The following CDK5RAP2 variants were observed in gnomAD, a reference collection of about 807,000 sequenced individuals.
The protein encoded by CDK5RAP2 is CDK5 regulatory subunit associated protein 2, also known as CDK5 regulatory subunit-associated protein 2.
Under a neutral mutation model 232.9 loss-of-function variants are expected in CDK5RAP2, and 147 were observed. The ratio of observed to expected loss-of-function variants is 0.63; its 90% CI spans 0.55 to 0.72. The LOEUF is 0.72. Ranked by LOEUF, CDK5RAP2 falls within the 30% of genes least tolerant of loss-of-function variation. CDK5RAP2 has a pLI of 0.00. For synonymous variants in CDK5RAP2, 833 were observed against 833.7 expected, an observed-to-expected ratio of 1.00 and a Z score of 0.01; for missense variants, 2,195 against 2,231.5, an observed-to-expected ratio of 0.98 and a Z score of 0.33.
chr9:120,528,672 G>T, intron 9 of CDK5RAP2, 72 bp downstream of exon 9: 1 of 912,220 alleles, frequency 1.1e-6, no homozygotes, highest in Non-Finnish European at 1.8e-6. Context: ...ATTATCTGCT[G>T]CACTCAGAAT....
At position 120,448,086 on chromosome 9, in the gene CDK5RAP2, G is replaced by A. The variant is rs148457080; in HGVS notation, c.2834C>T (p.Ser945Phe). Residue 945 changes from serine (S) to phenylalanine (F), a missense_variant, in exon 22 of 38, where the codon TCC becomes TTC. Physicochemically the swap from Ser to Phe is radical, Grantham distance 155. Coordinates refer to ENST00000349780, the MANE Select transcript of CDK5RAP2 (RefSeq NM_018249.6). Reference protein sequence around the residue: ...KSRLPILIKPSRSLGNMYRLP... With the variant: ...KSRLPILIKPFRSLGNMYRLP... ...ACGATACATATTTCCTAATGACCGGGATGGTTTTATTAGGATTGGCAAGCG... is the reference window on the plus strand; with the variant it reads ...ACGATACATATTTCCTAATGACCGGAATGGTTTTATTAGGATTGGCAAGCG... 5.6e-6 allele frequency: 9 copies of A among 1,614,014 alleles called. No homozygotes were observed. The African/African-American group carries it at 1.2e-4, about 22-fold the overall frequency.
At chr9:120,446,045 G>A (rs1229060160) in intron 22 of CDK5RAP2, among the ~76,000 whole-genome samples, 1 of 152,198 alleles carries the variant, frequency 6.6e-6, no homozygotes, top group Non-Finnish European at 1.5e-5. Context: ...TAAAGCAGAG[G>A]TTGGACTACC....
chr9:120,555,755 A>G (rs939021945), intron 3 of CDK5RAP2, among the ~76,000 whole-genome samples: 3 of 152,252 alleles, frequency 2.0e-5, no homozygotes, highest in African/African-American at 7.2e-5. Context: ...ACCTGTACAT[A>G]AATGTTTACT....
intron 32 of CDK5RAP2, chr9:120,406,222 T>C (rs2033426075): frequency 6.6e-6 from 1 of 152,232 alleles, no homozygotes; most frequent in Admixed American, 6.5e-5. Flanking sequence ...CAGGCTGGCA[T>C]TCCTCATCCC....
intron 7 of CDK5RAP2, among the ~76,000 whole-genome samples, chr9:120,534,388 A>G (rs1316107890): frequency 6.6e-6 from 1 of 152,076 alleles, no homozygotes; most frequent in African/African-American, 2.4e-5. Context: ...TAATCCCTCT[A>G]AACTGAATTA....
chr9:120,577,587 T>C (rs557898679), intron 1 of CDK5RAP2, among the ~76,000 whole-genome samples: 15 of 152,348 alleles, frequency 9.8e-5, no homozygotes, highest in Non-Finnish European at 1.8e-4. Context: ...ATGCAGTATC[T>C]ACGTCCTGCA....
intron 25 of CDK5RAP2, among the ~76,000 whole-genome samples, chr9:120,434,687 G>C (rs780358240): frequency 1.3e-5 from 2 of 152,170 alleles, no homozygotes; most frequent in East Asian, 3.9e-4. Context: ...GCCAGGGAGG[G>C]AGAGGAGAAC....
At position 120,404,146 on chromosome 9, in the gene CDK5RAP2, T is replaced by C. The variant is rs919872706; in HGVS notation, c.4964-33A>G. 8.9e-6 allele frequency: 12 copies of C among 1,351,702 alleles called. No homozygotes were observed. In the African/African-American group the frequency reaches 1.6e-4, roughly 18 times the overall value. The allele number at this position is 1,351,702 out of a possible 1,614,324, so 83.7% of individuals were successfully genotyped here. A position where few individuals can be genotyped will look rare whatever the true frequency, so the allele number is the denominator to read the frequency against. On this transcript the variant is annotated intron_variant, in intron 32 of 37. Transcript: ENST00000349780. Reference sequence around the variant, plus strand: ...ATGCAAAACACGAGAACTGTTAGTTTCACTGTTGTCAGCATTCAAGAGAGA... The same window carrying C: ...ATGCAAAACACGAGAACTGTTAGTTCCACTGTTGTCAGCATTCAAGAGAGA...
intron 2 of CDK5RAP2, among the ~76,000 whole-genome samples, chr9:120,571,551 C>T (rs1374472846): frequency 6.6e-6 from 1 of 152,236 alleles, no homozygotes; most frequent in African/African-American, 2.4e-5. Flanking sequence ...AAGGGCAGGC[C>T]CGTGTAGGAA....
chr9:120,460,735 A>G, intron 18 of CDK5RAP2, 68 bp from the exon 19 acceptor site: 1 of 1,604,684 alleles, frequency 6.2e-7, no homozygotes, highest in African/African-American at 1.3e-5. Flanking sequence ...ATGTATGAAT[A>G]AGTCAGTGAT....
In CDK5RAP2 at chr9:120,523,325, G is replaced by A. The variant is rs545427518; in HGVS notation, c.1092+1661C>T. ...AGTAAAATATCACAATGTTTATGCC[G>A]GTCTCTCTGGCTATCAGCAGCCAAC... On this transcript the variant is annotated intron_variant, in intron 11 of 37. Coordinates refer to ENST00000349780, the MANE Select transcript of CDK5RAP2 (RefSeq NM_018249.6). 5.3e-5 allele frequency among the ~76,000 whole-genome samples: 8 copies of A among 152,208 alleles called. No individual in the cohort carries two copies. In the East Asian group the frequency reaches 1.2e-3, roughly 22 times the overall value.
At position 120,453,877 on chromosome 9, in the gene CDK5RAP2, T is replaced by C. The variant is rs1015487450; in HGVS notation, c.2376-4A>G. ...TACCACTTTCAGAAGGTCTGGCCTG[T>C]TTTTCCAAAAGGGAAGGAAGTGGGA... On this transcript the variant is annotated splice_region_variant and splice_polypyrimidine_tract_variant and intron_variant, in intron 20 of 37. Transcript: ENST00000349780. The C allele has an allele frequency of 4.3e-6, 7 of 1,614,022 alleles. No homozygotes were observed. Among genetic ancestry groups the C allele is most frequent in the African/African-American group, 1.3e-5 (1 of 74,930 alleles).
chr9:120,568,596 A>C (rs939281524), intron 2 of CDK5RAP2, among the ~76,000 whole-genome samples: 2 of 152,214 alleles, frequency 1.3e-5, no homozygotes, highest in Non-Finnish European at 2.9e-5. Context: ...ACCCCAAAGT[A>C]ACAATGTGCA....
At chr9:120,537,799 T>G (rs1421829885) in intron 6 of CDK5RAP2, among the ~76,000 whole-genome samples, 1 of 152,176 alleles carries the variant, frequency 6.6e-6, no homozygotes, top group Admixed American at 6.5e-5. Context: ...GAAGGATGTC[T>G]CACACAATGA....
chr9:120,409,602 G>A (rs541397116), intron 29 of CDK5RAP2, among the ~76,000 whole-genome samples: 2 of 152,252 alleles, frequency 1.3e-5, no homozygotes, highest in Non-Finnish European at 2.9e-5. Flanking sequence ...TGGGTAGGAA[G>A]TACAGAGGAA....
At chr9:120,447,674 T>C (rs1260373256) in intron 22 of CDK5RAP2, among the ~76,000 whole-genome samples, 2 of 152,174 alleles carry the variant, frequency 1.3e-5, no homozygotes, top group Non-Finnish European at 2.9e-5. Flanking sequence ...GCACTGCAAG[T>C]TCCCTTTATC....
intron 28 of CDK5RAP2, among the ~76,000 whole-genome samples, chr9:120,413,845 A>AGGGAGGGAGGGGGGAG (rs2034033748): frequency 7.1e-6 from 1 of 140,998 alleles, no homozygotes; most frequent in Non-Finnish European, 1.6e-5. Context: ...GGAGGAGGGA[A>AGGGAGGGAGGGGGGAG]GGAGGAGGGA....
chr9:120,430,387 T>C, intron 25 of CDK5RAP2, among the ~76,000 whole-genome samples: 1 of 149,996 alleles, frequency 6.7e-6, no homozygotes, highest in East Asian at 2.0e-4. Flanking sequence ...ATATCCAGAA[T>C]CTACAATGAA....
chr9:120,558,711 C>T lies in CDK5RAP2; in HGVS notation c.196-7809G>A, dbSNP rs1205512456. On this transcript the variant is annotated intron_variant, in intron 3 of 37. Coordinates refer to ENST00000349780, the MANE Select transcript of CDK5RAP2 (RefSeq NM_018249.6). ...CGCGTCTGCCAGGGTGGCTCGATCT[C>T]ATCCCTTCCACCTCAGCTCCAATGT... Among the ~76,000 whole-genome samples, 5 of 152,212 alleles carry T rather than the reference C, an allele frequency of 3.3e-5. No homozygotes were observed. The East Asian group carries it at 9.6e-4, about 29-fold the overall frequency.
Sources: allele counts gnomAD v4.1 joint callset (sites outside exome capture counted in the v4.1 genomes callset), GRCh38; gene constraint gnomAD v4.1.1; transcripts MANE v1.5; gene names NCBI Gene and HGNC (gene_info 2026-07-23, HGNC 2026-07-21).